CDH8: variants seen among roughly 807,000 people sequenced by gnomAD.
CDH8 encodes cadherin-8.
CDH8 carries 17 observed loss-of-function variants against 68.1 expected under a neutral mutation model. The ratio of observed to expected loss-of-function variants is 0.25; its 90% CI spans 0.17 to 0.37. The LOEUF (loss-of-function observed/expected upper bound fraction) is 0.37. Ranked by LOEUF, CDH8 falls within the 10% of genes least tolerant of loss-of-function variation. The pLI is 1.00. For missense variants in CDH8, 763 were observed against 999.3 expected (o/e 0.76, Z 3.19); for synonymous variants, 372 against 365.1 (o/e 1.02, Z -0.21).
At chr16:61,832,484 G>A (rs1166551181) in intron 4 of CDH8, among the ~76,000 whole-genome samples, 5 of 151,684 alleles carry the variant, frequency 3.3e-5, no homozygotes, top group Non-Finnish European at 7.4e-5. Context: ...CATTTCTGGT[G>A]CCTTCTAAAA....
intron 2 of CDH8, among the ~76,000 whole-genome samples, chr16:61,978,848 T>C (rs542527947): frequency 7.2e-5 from 11 of 152,290 alleles, no homozygotes; most frequent in African/African-American, 2.2e-4. Context: ...TGTATGGAGC[T>C]GTAACACACA....
chr16:61,952,770 T>C (rs1964918540), intron 2 of CDH8, among the ~76,000 whole-genome samples: 1 of 152,222 alleles, frequency 6.6e-6, no homozygotes, highest in Non-Finnish European at 1.5e-5. Flanking sequence ...AATTTATGTG[T>C]TGTGCTGTCT....
At chr16:61,763,323 G>A (rs1358358948) in intron 8 of CDH8, among the ~76,000 whole-genome samples, 3 of 152,120 alleles carry the variant, frequency 2.0e-5, no homozygotes, top group Admixed American at 6.6e-5. Context: ...AGACCGTTCT[G>A]ACCATATTAC....
intron 2 of CDH8, among the ~76,000 whole-genome samples, chr16:61,967,532 T>C (rs1170205027): frequency 6.6e-6 from 1 of 152,206 alleles, no homozygotes; most frequent in African/African-American, 2.4e-5. Context: ...AGAGCTATCT[T>C]GGGGATGGAA....
intron 8 of CDH8, among the ~76,000 whole-genome samples, chr16:61,753,230 T>C (rs886795419): frequency 7.2e-6 from 1 of 138,482 alleles, no homozygotes; most frequent in East Asian, 2.0e-4. Flanking sequence ...TGACGCTTGA[T>C]ATTTCTTTCT....
At chr16:61,962,179 C>T (rs1428467896) in intron 2 of CDH8, among the ~76,000 whole-genome samples, 2 of 152,056 alleles carry the variant, frequency 1.3e-5, no homozygotes, top group Admixed American at 1.3e-4. Flanking sequence ...GGAGGAGGGG[C>T]TTGTCTTGCT....
chr16:61,981,648 A>ATGTGTGTGTGTG lies in CDH8; in HGVS notation c.252+39492_252+39503dup, dbSNP rs750036103. Among the ~76,000 whole-genome samples the ATGTGTGTGTGTG allele has an allele frequency of 1.0e-4, 15 of 146,830 alleles. No homozygotes were observed. The East Asian group carries it at 1.2e-3, about 12-fold the overall frequency. On this transcript the variant is annotated intron_variant, in intron 2 of 11. Transcript: ENST00000577390. ...TCTTTTGAGCTGAACCTTGAAAAGA[A>ATGTGTGTGTGTG]TGTGTGTGTGTGTGTGTGTGTGTGT...
chr16:61,961,399 C>T (rs1245069734), intron 2 of CDH8, among the ~76,000 whole-genome samples: 1 of 152,136 alleles, frequency 6.6e-6, no homozygotes, highest in Non-Finnish European at 1.5e-5. Context: ...AACACTTCTC[C>T]GGCAAATCCC....
chr16:61,972,002 T>A (rs1965348180), intron 2 of CDH8, among the ~76,000 whole-genome samples: 1 of 152,216 alleles, frequency 6.6e-6, no homozygotes, highest in South Asian at 2.1e-4. Flanking sequence ...TATGGCTTGG[T>A]TGTGTACTGA....
intron 2 of CDH8, among the ~76,000 whole-genome samples, chr16:61,961,382 C>A (rs1034344964): frequency 2.6e-5 from 4 of 152,086 alleles, no homozygotes; most frequent in African/African-American, 9.7e-5. Flanking sequence ...GCAGCGAATC[C>A]CTGTCAAACA....
intron 2 of CDH8, among the ~76,000 whole-genome samples, chr16:62,016,362 G>A (rs1901940463): frequency 6.6e-6 from 1 of 152,206 alleles, no homozygotes; most frequent in Non-Finnish European, 1.5e-5. Flanking sequence ...GAAATGCTCT[G>A]CAGATAGTAG....
chr16:61,932,991 A>G (rs375755136), intron 2 of CDH8, among the ~76,000 whole-genome samples: 1 of 152,188 alleles, frequency 6.6e-6, no homozygotes, highest in Non-Finnish European at 1.5e-5. Flanking sequence ...GCAGAAATCC[A>G]TTCTTTGGTC....
chr16:61,739,171 G>C (rs1025510610), intron 8 of CDH8, among the ~76,000 whole-genome samples: 21 of 152,118 alleles, frequency 1.4e-4, no homozygotes, highest in African/African-American at 4.8e-4. Flanking sequence ...GGATTGACTC[G>C]AGATTATTGG....
chr16:61,950,003 T>A lies in CDH8; in HGVS notation c.253-48530A>T, dbSNP rs543660776. ...ACCCTGTCTTAAAAAAAAAAAAAAATCCTAAGCTTCATGAACCACTGCATC... is the reference window on the plus strand; with the variant it reads ...ACCCTGTCTTAAAAAAAAAAAAAAAACCTAAGCTTCATGAACCACTGCATC... On this transcript the variant is annotated intron_variant, in intron 2 of 11. Transcript: ENST00000577390. 3.7e-5 allele frequency among the ~76,000 whole-genome samples: 5 copies of A among 134,660 alleles called. No individual in the cohort carries two copies. In the East Asian group the frequency reaches 6.3e-4, roughly 17 times the overall value. 88.3% of individuals were successfully genotyped at this position (134,660 alleles called of 152,430 possible). A position where few individuals can be genotyped will look rare whatever the true frequency, so the allele number is the denominator to read the frequency against.
chr16:61,662,797 G>C (rs1257427279), intron 10 of CDH8, among the ~76,000 whole-genome samples: 1 of 151,758 alleles, frequency 6.6e-6, no homozygotes, highest in African/African-American at 2.4e-5. Flanking sequence ...TTTTATGTAA[G>C]AGACTTTGTG....
intron 2 of CDH8, among the ~76,000 whole-genome samples, chr16:61,911,136 G>T (rs1042850421): frequency 5.3e-5 from 8 of 152,042 alleles, no homozygotes; most frequent in Non-Finnish European, 1.0e-4. Context: ...AGAGATTTAG[G>T]TGAATAACTC....
rs754026118 is a variant in CDH8 at position 61,810,055 on chromosome 16, GCCT to G, written c.1277+7421_1277+7423del. 2.0e-5 allele frequency among the ~76,000 whole-genome samples: 3 copies of G among 152,160 alleles called. No homozygotes were observed. In the East Asian group the frequency reaches 5.8e-4, roughly 29 times the overall value. ...ATGTTTTGGTAAACACTGGTTTGAG[GCCT>G]CTGTATGGAAAATTTATAGGAAGAT... On this transcript the variant is annotated intron_variant, in intron 7 of 11. Transcript: ENST00000577390.
Position 61,653,167 on chromosome 16 carries a change from T to G in CDH8, c.*441A>C. 1 of 1,229,696 alleles carries G rather than the reference T, an allele frequency of 8.1e-7. No homozygotes were observed. The highest frequency in any genetic ancestry group is 4.2e-5 in the Admixed American group (1 of 24,004). The allele number at this position is 1,229,696 out of a possible 1,614,324, so 76.2% of individuals were successfully genotyped here. A position where few individuals can be genotyped will look rare whatever the true frequency, so the allele number is the denominator to read the frequency against. On this transcript the variant is annotated 3_prime_UTR_variant, in exon 12 of 12. Transcript: ENST00000577390. ...TTATCATTTGTGGCGGGATCCTTAT[T>G]GGTGAAGGGGAAAAAACCATTTGCA...
rs747443852 is a variant in CDH8 at position 61,981,681 on chromosome 16, T to TGTGTGCGCGC, written c.252+39470_252+39471insGCGCGCACAC. On this transcript the variant is annotated intron_variant, in intron 2 of 11. Coordinates refer to ENST00000577390, the MANE Select transcript of CDH8 (RefSeq NM_001796.5). ...GTGTGTGTGTGTGTGTGTGTGTGTGTGCGCGCGCGCGCGTGCGCTTGGGGC... is the reference window on the plus strand; with the variant it reads ...GTGTGTGTGTGTGTGTGTGTGTGTGTGTGTGCGCGCGCGCGCGCGCGCGTGCGCTTGGGGC... Among the ~76,000 whole-genome samples, 571 of 141,810 alleles carry TGTGTGCGCGC rather than the reference T, an allele frequency of 4.0e-3. 3 individuals carry two copies. Among genetic ancestry groups the TGTGTGCGCGC allele is most frequent in the African/African-American group, 0.015 (544 of 35,696 alleles). The allele number at this position is 141,810 out of a possible 152,430, so 93.0% of individuals were successfully genotyped here. A position where few individuals can be genotyped will look rare whatever the true frequency, so the allele number is the denominator to read the frequency against.
Sources: gnomAD v4.1 joint callset for allele counts (sites outside exome capture counted in the v4.1 genomes callset) on GRCh38, gnomAD v4.1.1 for gene constraint, MANE v1.5 for transcripts, NCBI Gene and HGNC (gene_info 2026-07-23, HGNC 2026-07-21) for gene names.